The following GPHN variants were observed in gnomAD, a reference collection of about 807,000 sequenced individuals.
GPHN encodes gephyrin.
GPHN carries 17 observed loss-of-function variants against 95.5 expected under a neutral mutation model. The ratio of observed to expected loss-of-function variants is 0.18; its 90% CI spans 0.12 to 0.27. The LOEUF is 0.27. GPHN is among the 10% of genes least tolerant of loss of function. GPHN has a pLI of 1.00. For missense variants in GPHN, 660 were observed against 978.1 expected (o/e 0.67, Z 4.34); for synonymous variants, 320 against 322.5 (o/e 0.99, Z 0.08).
At chr14:67,466,922 G>T in the GPHN span, among the ~76,000 whole-genome samples, 1 of 151,010 alleles carries the variant, frequency 6.6e-6, no homozygotes, top group East Asian at 1.9e-4. Flanking sequence ...CTGAACCCGG[G>T]AGGTGGAGGT....
chr14:67,732,494 A>AAG, the GPHN span, among the ~76,000 whole-genome samples: 29 of 150,684 alleles, frequency 1.9e-4, no homozygotes, highest in South Asian at 5.7e-3. Context: ...GTAAGAGAGA[A>AAG]AGAGAGAGAG....
At chr14:66,808,263 C>A (rs767788025) in intron 3 of GPHN, among the ~76,000 whole-genome samples, 16 of 152,032 alleles carry the variant, frequency 1.1e-4, no homozygotes, top group Non-Finnish European at 2.2e-4. Flanking sequence ...GTAGGTATTT[C>A]TTATAAATTT....
chr14:66,680,465 C>G (rs1254785733), intron 1 of GPHN, among the ~76,000 whole-genome samples: 2 of 152,184 alleles, frequency 1.3e-5, no homozygotes, highest in Non-Finnish European at 2.9e-5. Flanking sequence ...TTAGGTAATT[C>G]TGGCACTCAG....
At chr14:66,597,650 G>T (rs1436765100) in intron 1 of GPHN, among the ~76,000 whole-genome samples, 1 of 152,142 alleles carries the variant, frequency 6.6e-6, no homozygotes, top group Non-Finnish European at 1.5e-5. Flanking sequence ...GTGGCTGGGT[G>T]GCTGCAGCTG....
chr14:67,418,283 G>A, the GPHN span, among the ~76,000 whole-genome samples: 11 of 152,122 alleles, frequency 7.2e-5, no homozygotes. Flanking sequence ...GCCTGTCCAG[G>A]TCCAAGCCTT....
intron 3 of GPHN, among the ~76,000 whole-genome samples, chr14:66,795,977 C>G (rs1453234388): frequency 1.3e-5 from 2 of 151,956 alleles, no homozygotes; most frequent in Admixed American, 6.6e-5. Context: ...TCCACCTTAC[C>G]CTCTCCCCCT....
At chr14:66,529,382 T>C (rs565308812) in intron 1 of GPHN, among the ~76,000 whole-genome samples, 1 of 152,264 alleles carries the variant, frequency 6.6e-6, no homozygotes, top group Admixed American at 6.5e-5. Flanking sequence ...ATTTCAAGGT[T>C]CTTAGCTTCT....
the GPHN span, chr14:67,198,274 A>G: frequency 1.4e-5 from 23 of 1,613,954 alleles, no homozygotes; most frequent in South Asian, 1.5e-4. Context: ...GGAGGAGAGT[A>G]TGCCCCTTTT....
At chr14:67,683,325 C>T in the GPHN span, among the ~76,000 whole-genome samples, 1 of 151,840 alleles carries the variant, frequency 6.6e-6, no homozygotes, top group South Asian at 2.1e-4. Context: ...AGAATCCAGT[C>T]ACTCTTGGAA....
chr14:67,501,539 G>A, the GPHN span, among the ~76,000 whole-genome samples: 31 of 151,820 alleles, frequency 2.0e-4, no homozygotes, highest in African/African-American at 7.0e-4. Context: ...CAAGATAAAT[G>A]ATATTTTAAA....
In GPHN at chr14:67,083,938, T is replaced by A. The variant is rs141921164; in HGVS notation, c.1145-5045T>A. 9.8e-3 allele frequency among the ~76,000 whole-genome samples: 1,487 copies of A among 152,300 alleles called. 23 individuals are homozygous for A. Among genetic ancestry groups the A allele is most frequent in the African/African-American group, 0.032 (1,350 of 41,560 alleles). Reference sequence around the variant, plus strand: ...ACCTTTTTCTCTACTTATCTGATATTTTCTTGTAGTCATAATCATTAATGC... The same window carrying A: ...ACCTTTTTCTCTACTTATCTGATATATTCTTGTAGTCATAATCATTAATGC... On this transcript the variant is annotated intron_variant, in intron 11 of 22. Coordinates refer to ENST00000478722, the MANE Select transcript of GPHN (RefSeq NM_020806.5).
rs974589170 is a variant in GPHN, at chr14:66,614,501, A to G, written c.65-66606A>G. On this transcript the variant is annotated intron_variant, in intron 1 of 22. Coordinates refer to ENST00000478722, the MANE Select transcript of GPHN (RefSeq NM_020806.5). ...ATTCACTTATTGTAATAGATTATAT[A>G]CTTTTTGCTTTTCTACATGCAAAAT... 2.6e-5 allele frequency among the ~76,000 whole-genome samples: 4 copies of G among 151,920 alleles called. No individual in the cohort carries two copies. The East Asian group carries it at 7.7e-4, about 29-fold the overall frequency.
chr14:67,164,166 G>A (rs913453914), intron 19 of GPHN, among the ~76,000 whole-genome samples: 8 of 150,640 alleles, frequency 5.3e-5, no homozygotes, highest in African/African-American at 1.7e-4. Flanking sequence ...TACTCGGGAG[G>A]CTGAGGCAGG....
chr14:67,656,448 G>A, the GPHN span: 1 of 1,613,044 alleles, frequency 6.2e-7, no homozygotes, highest in African/African-American at 1.3e-5. Context: ...TGGTCTCGTT[G>A]TTCCCCCAGC....
At chr14:67,130,423 T>G (rs2079629444) in intron 17 of GPHN, among the ~76,000 whole-genome samples, 1 of 152,184 alleles carries the variant, frequency 6.6e-6, no homozygotes, top group African/African-American at 2.4e-5. Context: ...TCCAGCTGCA[T>G]CCATGTAGCT....
chr14:67,031,481 A>C (rs1227901953), intron 10 of GPHN, among the ~76,000 whole-genome samples: 1 of 152,174 alleles, frequency 6.6e-6, no homozygotes, highest in African/African-American at 2.4e-5. Context: ...GACTTCCATA[A>C]ATATTTATTG....
chr14:66,923,170 A>G (rs574165938), intron 7 of GPHN, among the ~76,000 whole-genome samples: 1 of 152,302 alleles, frequency 6.6e-6, no homozygotes, highest in South Asian at 2.1e-4. Flanking sequence ...GCTGTTGCCT[A>G]TTGAAGTAAT....
chr14:67,521,906 G>C, the GPHN span, among the ~76,000 whole-genome samples: 1 of 152,228 alleles, frequency 6.6e-6, no homozygotes, highest in African/African-American at 2.4e-5. Context: ...GCCGGGCACG[G>C]TGGCTCATGT....
the GPHN span, among the ~76,000 whole-genome samples, chr14:67,699,673 CT>C: frequency 1.4e-3 from 193 of 141,982 alleles, 2 homozygotes; most frequent in African/African-American, 4.7e-3. Context: ...CTTTTTAAAG[CT>C]TTTTTTTTTA....
Sources: gnomAD v4.1 joint callset for allele counts (sites outside exome capture counted in the v4.1 genomes callset) on GRCh38, gnomAD v4.1.1 for gene constraint, MANE v1.5 for transcripts, NCBI Gene and HGNC (gene_info 2026-07-23, HGNC 2026-07-21) for gene names.